Variants in RAP1GAP observed in about 807,000 individuals in gnomAD.
RAP1GAP encodes the protein RAP1 GTPase activating protein, also known as rap1 GTPase-activating protein 1.
A neutral mutation model predicts 87.2 loss-of-function variants in RAP1GAP; 35 were observed. The observed-to-expected ratio is 0.40, with a 90% CI of 0.31 to 0.53. The LOEUF is 0.53. Ranked by LOEUF, RAP1GAP falls within the 20% of genes least tolerant of loss-of-function variation. RAP1GAP has a pLI of 0.48. For missense variants in RAP1GAP, 734 were observed against 898.9 expected (o/e 0.82, Z 2.35); for synonymous variants, 375 against 363.9 (o/e 1.03, Z -0.35).
chr1:21,641,151 C>T (rs1211344521), intron 2 of RAP1GAP, among the ~76,000 whole-genome samples: 2 of 150,100 alleles, frequency 1.3e-5, no homozygotes, highest in Non-Finnish European at 2.9e-5. Flanking sequence ...AACTCCTGAC[C>T]TCTGGTGATC....
At chr1:21,617,281 C>T in intron 7 of RAP1GAP, 25 bp downstream of exon 7, 1 of 1,553,372 alleles carries the variant, frequency 6.4e-7, no homozygotes. Flanking sequence ...CCCAGCCAGC[C>T]CCGCTGCACC....
intron 17 of RAP1GAP, among the ~76,000 whole-genome samples, chr1:21,606,412 C>T (rs76806379): frequency 0.013 from 2,056 of 152,302 alleles, 53 homozygotes; most frequent in African/African-American, 0.047. Context: ...CAGGTACATA[C>T]GGGGCCTAAG....
At chr1:21,612,211 A>C in intron 10 of RAP1GAP, 102 bp from the exon 11 acceptor site, 1 of 863,556 alleles carries the variant, frequency 1.2e-6, no homozygotes, top group Non-Finnish European at 1.9e-6. Flanking sequence ...TACACACGTC[A>C]CGTCATGTGA....
intron 7 of RAP1GAP, among the ~76,000 whole-genome samples, chr1:21,616,136 A>AACACACACAC (rs58644324): frequency 2.4e-4 from 31 of 126,888 alleles, no homozygotes; most frequent in African/African-American, 7.9e-4. Flanking sequence ...CCCTCTTCCC[A>AACACACACAC]ACACACACAC....
chr1:21,648,138 T>C (rs1207560081), intron 2 of RAP1GAP, among the ~76,000 whole-genome samples: 3 of 152,156 alleles, frequency 2.0e-5, no homozygotes, highest in Admixed American at 6.5e-5. Context: ...CAAGGCATTT[T>C]GGGTAATGGG....
intron 2 of RAP1GAP, among the ~76,000 whole-genome samples, chr1:21,632,546 A>T (rs1410910723): frequency 1.3e-5 from 2 of 152,156 alleles, no homozygotes; most frequent in African/African-American, 2.4e-5. Flanking sequence ...AGGGATAAGA[A>T]CACAGGCCTT....
chr1:21,599,381 CT>C, intron 21 of RAP1GAP, 112 bp downstream of exon 21: 2 of 1,459,572 alleles, frequency 1.4e-6, no homozygotes, highest in Non-Finnish European at 1.8e-6. Context: ...GCCGGGTCCC[CT>C]GATCACATCT....
At position 21,618,040 on chromosome 1, in the gene RAP1GAP, C is replaced by T. The variant is rs1004696907; in HGVS notation, c.67-68G>A. On this transcript the variant is annotated intron_variant, in intron 5 of 24. Transcript: ENST00000374765. ...CCTCCAGTGCCCCCAGAGCTGGCCT[C>T]TGCTTGGCCAGCCTCAGGGCTGAGA... 3.8e-6 allele frequency: 6 copies of T among 1,591,346 alleles called. No homozygotes were observed. In the African/African-American group the frequency reaches 6.7e-5, roughly 18 times the overall value.
At chr1:21,651,363 CT>C (rs1558880708) in intron 1 of RAP1GAP, 1 of 499,528 alleles carries the variant, frequency 2.0e-6, no homozygotes, top group Non-Finnish European at 4.0e-6. Context: ...GAACCTCCCC[CT>C]GACCTGCCTG....
chr1:21,646,339 C>A (rs1026572384), intron 2 of RAP1GAP, among the ~76,000 whole-genome samples: 4 of 152,228 alleles, frequency 2.6e-5, no homozygotes, highest in African/African-American at 9.6e-5. Context: ...ATAACCAAGA[C>A]CTTCCCCATT....
intron 2 of RAP1GAP, among the ~76,000 whole-genome samples, chr1:21,641,201 A>C (rs144850886): frequency 6.6e-6 from 1 of 151,612 alleles, no homozygotes; most frequent in African/African-American, 2.4e-5. Flanking sequence ...GATTACAGGC[A>C]TGAGCCACCA....
intron 1 of RAP1GAP, among the ~76,000 whole-genome samples, chr1:21,666,461 C>A (rs2097351641): frequency 6.6e-6 from 1 of 152,224 alleles, no homozygotes; most frequent in Admixed American, 6.5e-5. Context: ...AGCAAAGGAG[C>A]AGCCTGGGGA....
chr1:21,618,091 A>C, intron 5 of RAP1GAP, 119 bp from the exon 6 acceptor site: 2 of 1,173,578 alleles, frequency 1.7e-6, no homozygotes, highest in Non-Finnish European at 2.6e-6. Flanking sequence ...TGGCCTCATC[A>C]CCTCTTACAG....
At chr1:21,651,939 C>G in intron 1 of RAP1GAP, 16 of 871,194 alleles carry the variant, frequency 1.8e-5, no homozygotes, top group Non-Finnish European at 2.2e-5. Flanking sequence ...CGGATACGTC[C>G]GCGCCCCAGC....
intron 1 of RAP1GAP, among the ~76,000 whole-genome samples, chr1:21,655,673 A>G (rs759502828): frequency 1.4e-4 from 22 of 152,238 alleles, no homozygotes; most frequent in Non-Finnish European, 2.9e-4. Flanking sequence ...CCTCCCTCTG[A>G]GAGGAAGCCT....
chr1:21,657,607 C>T (rs2096916377), intron 1 of RAP1GAP, among the ~76,000 whole-genome samples: 1 of 152,208 alleles, frequency 6.6e-6, no homozygotes, highest in African/African-American at 2.4e-5. Flanking sequence ...GGCCAGCCCC[C>T]ATCTCCTACC....
chr1:21,597,826 G>C, intron 23 of RAP1GAP, 98 bp from the exon 24 acceptor site: 1 of 1,543,298 alleles, frequency 6.5e-7, no homozygotes, highest in South Asian at 1.2e-5. Flanking sequence ...GTCCAGGCCG[G>C]GCAAGCCCCA....
rs748368506 is a variant in RAP1GAP, at chr1:21,603,872, C to T, written c.1429-959G>A. 5.0e-6 allele frequency: 8 copies of T among 1,584,864 alleles called. No individual in the cohort carries two copies. The Admixed American group carries it at 9.1e-5, about 18-fold the overall frequency. ...TCCTATGCCTATGGCACTGCCCCGG[C>T]GTCCGAATCTACTCGCACTTTTCCC... On this transcript the variant is annotated intron_variant, in intron 18 of 24. Coordinates refer to ENST00000374765, the MANE Select transcript of RAP1GAP (RefSeq NM_002885.4). The surrounding 1 kb of genome is among the most constrained non-coding windows in gnomAD (Gnocchi z 6.0).
chr1:21,626,872 G>A (rs1047269851), intron 2 of RAP1GAP: 4 of 456,634 alleles, frequency 8.8e-6, no homozygotes, highest in African/African-American at 8.0e-5. Flanking sequence ...CCACATGCCA[G>A]GCCCTGTGCT....
Sources: allele counts gnomAD v4.1 joint callset (sites outside exome capture counted in the v4.1 genomes callset), GRCh38; gene constraint gnomAD v4.1.1; non-coding constraint Gnocchi (gnomAD v3.1); transcripts MANE v1.5; gene names NCBI Gene and HGNC (gene_info 2026-07-23, HGNC 2026-07-21).